The following ZNF536 variants were observed in gnomAD, a reference collection of about 807,000 sequenced individuals.
ZNF536 encodes zinc finger protein 536.
Under a neutral mutation model 84.5 loss-of-function variants are expected in ZNF536, and 13 were observed. The ratio of observed to expected loss-of-function variants is 0.15; its 90% CI spans 0.10 to 0.24. ZNF536 has a LOEUF of 0.24. ZNF536 is among the 10% of genes least tolerant of loss of function. The pLI is 1.00. For missense variants in ZNF536, 1,536 were observed against 1,747.5 expected (o/e 0.88, Z 2.16); for synonymous variants, 811 against 742.5 (o/e 1.09, Z -1.50).
At position 30,595,408 on chromosome 19, in the gene ZNF536, C is replaced by T. The variant is rs538900695; in HGVS notation, c.169+45894C>T. The stretch of plus-strand genomic sequence containing the variant: ...GTTCAAGCTGTCTTCTGGCCTCAGC[C>T]TCCCGAGTAGCTGGCATTACAGGCT... On this transcript the variant is annotated intron_variant, in intron 1 of 1. Transcript: ENST00000592773. 2.0e-5 allele frequency among the ~76,000 whole-genome samples: 3 copies of T among 152,282 alleles called. No individual in the cohort carries two copies. In the East Asian group the frequency reaches 5.8e-4, roughly 29 times the overall value.
intron 1 of ZNF536, among the ~76,000 whole-genome samples, chr19:30,603,311 A>G (rs2047758810): frequency 1.3e-5 from 2 of 152,230 alleles, no homozygotes; most frequent in African/African-American, 4.8e-5. Context: ...GGATGGATGG[A>G]TGGATGGACA....
At chr19:30,373,488 A>G (rs1410376454) in intron 1 of ZNF536, among the ~76,000 whole-genome samples, 2 of 152,246 alleles carry the variant, frequency 1.3e-5, no homozygotes, top group Non-Finnish European at 2.9e-5. Context: ...TCAAAGAAAT[A>G]AGAACAACAA....
intron 1 of ZNF536, among the ~76,000 whole-genome samples, chr19:30,687,390 G>A (rs927845540): frequency 2.6e-5 from 4 of 152,262 alleles, no homozygotes; most frequent in Admixed American, 6.5e-5. Flanking sequence ...TGTACAGGAC[G>A]GGGCATCAAA....
chr19:30,632,649 A>AC (rs2048931558), intron 1 of ZNF536, among the ~76,000 whole-genome samples: 1 of 69,274 alleles, frequency 1.4e-5, no homozygotes, highest in Non-Finnish European at 2.9e-5. Flanking sequence ...CAATCAACCA[A>AC]CAAACCAACC....
chr19:30,242,526 C>T (rs531809199), intron 1 of ZNF536, among the ~76,000 whole-genome samples: 18 of 152,262 alleles, frequency 1.2e-4, no homozygotes, highest in African/African-American at 3.1e-4. Flanking sequence ...AGTGGTGTTC[C>T]GTATTCCCTC....
chr19:30,254,180 T>C (rs117308416), intron 1 of ZNF536, among the ~76,000 whole-genome samples: 15 of 152,316 alleles, frequency 9.8e-5, no homozygotes, highest in East Asian at 7.7e-4. Flanking sequence ...TTCCTTGATA[T>C]ATGCTCCATG....
At chr19:30,465,977 C>G (rs1452949017) in intron 2 of ZNF536, among the ~76,000 whole-genome samples, 5 of 152,032 alleles carry the variant, frequency 3.3e-5, no homozygotes, top group African/African-American at 1.2e-4. Flanking sequence ...GTCTCGATCT[C>G]CTGACCTTGT....
At chr19:30,379,816 G>T (rs931257586) in intron 1 of ZNF536, among the ~76,000 whole-genome samples, 1 of 152,096 alleles carries the variant, frequency 6.6e-6, no homozygotes, top group Middle Eastern at 3.2e-3. Flanking sequence ...GGCATGCCTG[G>T]GACCTCCTGT....
At chr19:30,406,946 G>A (rs1183613870) in intron 1 of ZNF536, among the ~76,000 whole-genome samples, 2 of 152,248 alleles carry the variant, frequency 1.3e-5, no homozygotes, top group Non-Finnish European at 2.9e-5. Flanking sequence ...CCCAACCTCT[G>A]TTGTCTCTGC....
intron 2 of ZNF536, among the ~76,000 whole-genome samples, chr19:30,312,011 T>A (rs2046522090): frequency 6.6e-6 from 1 of 152,182 alleles, no homozygotes. Context: ...GAGGCTGCAG[T>A]GAGCTCTGAT....
At chr19:30,539,742 G>C (rs2045252829) in intron 3 of ZNF536, among the ~76,000 whole-genome samples, 1 of 152,280 alleles carries the variant, frequency 6.6e-6, no homozygotes, top group African/African-American at 2.4e-5. Context: ...TCTGTTTTGT[G>C]TGTACAGGAA....
intron 2 of ZNF536, among the ~76,000 whole-genome samples, chr19:30,332,483 A>G (rs868016216): frequency 1.3e-5 from 2 of 152,068 alleles, no homozygotes; most frequent in Non-Finnish European, 1.5e-5. Context: ...CTCCGTCAGA[A>G]CTGCCCTTCC....
intron 1 of ZNF536, among the ~76,000 whole-genome samples, chr19:30,671,256 G>C (rs1339676072): frequency 6.6e-6 from 1 of 152,246 alleles, no homozygotes; most frequent in Non-Finnish European, 1.5e-5. Flanking sequence ...AAGGGGTCAT[G>C]TGTCCAGTCT....
chr19:30,227,705 C>T (rs1007919404), upstream of ZNF536, among the ~76,000 whole-genome samples: 1 of 151,164 alleles, frequency 6.6e-6, no homozygotes, highest in Non-Finnish European at 1.5e-5. Context: ...GCGCGCGGTA[C>T]GGCCCTCCGG....
chr19:30,375,748 T>C (rs1024545159), intron 1 of ZNF536, among the ~76,000 whole-genome samples: 2 of 152,162 alleles, frequency 1.3e-5, no homozygotes, highest in African/African-American at 2.4e-5. Flanking sequence ...TGATCACATG[T>C]TGTGTTCGTG....
In ZNF536 at chr19:30,564,922, A is replaced by C. The variant is rs928428224; in HGVS notation, c.169+15408A>C. 1.7e-4 allele frequency among the ~76,000 whole-genome samples: 26 copies of C among 152,136 alleles called. No individual in the cohort carries two copies. The South Asian group carries it at 5.2e-3, about 31-fold the overall frequency. On this transcript the variant is annotated intron_variant, in intron 1 of 1. Transcript: ENST00000592773. ...GGCGGGGCCACAGAGCTGGGCTGGC[A>C]CCTGGTAGGCAGGGGTGGAGAACAG...
intron 2 of ZNF536, among the ~76,000 whole-genome samples, chr19:30,520,780 GT>G (rs2044288398): frequency 6.6e-6 from 1 of 152,120 alleles, no homozygotes; most frequent in African/African-American, 2.4e-5. Flanking sequence ...CTTGTAGATG[GT>G]GGGGTTGGGA....
chr19:30,669,994 G>T (rs944757454), intron 1 of ZNF536, among the ~76,000 whole-genome samples: 1 of 152,186 alleles, frequency 6.6e-6, no homozygotes, highest in Non-Finnish European at 1.5e-5. Flanking sequence ...ACAGACTCAC[G>T]CCTGCATCTG....
chr19:30,484,226 ATT>A (rs554903479), intron 2 of ZNF536, among the ~76,000 whole-genome samples: 26 of 122,000 alleles, frequency 2.1e-4, no homozygotes, highest in African/African-American at 2.8e-4. Flanking sequence ...TCTCATTTTG[ATT>A]TTTTTTTTTT....
Sources: allele counts gnomAD v4.1 joint callset (sites outside exome capture counted in the v4.1 genomes callset), GRCh38; gene constraint gnomAD v4.1.1; transcripts MANE v1.5; gene names NCBI Gene and HGNC (gene_info 2026-07-23, HGNC 2026-07-21).